The following IPCEF1 variants were observed in gnomAD, a reference collection of about 807,000 sequenced individuals.
IPCEF1 encodes the protein interaction protein for cytohesin exchange factors 1.
IPCEF1 carries 31 observed loss-of-function variants against 50.9 expected under a neutral mutation model. The observed-to-expected ratio is 0.61, with a 90% confidence interval of 0.46 to 0.82. IPCEF1 has a LOEUF of 0.82. IPCEF1 is among the 40% of genes least tolerant of loss of function. IPCEF1 has a pLI of 0.00. For synonymous variants in IPCEF1, 181 were observed against 192.0 expected (o/e 0.94, Z 0.47); for missense variants, 458 against 514.0 (o/e 0.89, Z 1.05).
chr6:154,350,535 C>T (rs1784102732), intron 1 of IPCEF1, among the ~76,000 whole-genome samples: 1 of 152,212 alleles, frequency 6.6e-6, no homozygotes. Context: ...TGAGTCACGT[C>T]CAATTTGGCC....
intron 2 of IPCEF1, among the ~76,000 whole-genome samples, chr6:154,288,659 C>G (rs1461714080): frequency 1.3e-5 from 1 of 77,678 alleles, no homozygotes; most frequent in Non-Finnish European, 2.3e-5. Context: ...AAGACTCTGT[C>G]TAAAAAACAA....
chr6:154,338,763 A>C (rs1218017657), intron 1 of IPCEF1, among the ~76,000 whole-genome samples: 1 of 152,140 alleles, frequency 6.6e-6, no homozygotes, highest in Non-Finnish European at 1.5e-5. Flanking sequence ...TCCAAAAAAC[A>C]TACAAAAAAT....
chr6:154,183,321 A>G lies in IPCEF1; in HGVS notation c.911-15208T>C, dbSNP rs920931303. 3.3e-5 allele frequency among the ~76,000 whole-genome samples: 5 copies of G among 152,162 alleles called. No individual in the cohort carries two copies. The East Asian group carries it at 9.6e-4, about 29-fold the overall frequency. Reference sequence around the variant, plus strand: ...ATGGCGCTCTCATTCACTTATCGCTATGACTATTATCTACTGCAATCTATG... The same window carrying G: ...ATGGCGCTCTCATTCACTTATCGCTGTGACTATTATCTACTGCAATCTATG... On this transcript the variant is annotated intron_variant, in intron 10 of 11. Transcript: ENST00000367220.
At chr6:154,329,371 A>T (rs1489359952) in intron 1 of IPCEF1, among the ~76,000 whole-genome samples, 2 of 152,146 alleles carry the variant, frequency 1.3e-5, no homozygotes, top group African/African-American at 4.8e-5. Flanking sequence ...TGAAGCAGGA[A>T]GATCACTTGA....
At chr6:154,181,355 C>T (rs538210168) in intron 10 of IPCEF1, among the ~76,000 whole-genome samples, 5 of 152,180 alleles carry the variant, frequency 3.3e-5, no homozygotes, top group East Asian at 1.9e-4. Context: ...CTTAGACCAA[C>T]GTTATTTCAT....
At chr6:154,276,949 A>T (rs117452676) in intron 2 of IPCEF1, among the ~76,000 whole-genome samples, 1 of 152,344 alleles carries the variant, frequency 6.6e-6, no homozygotes, top group East Asian at 1.9e-4. Context: ...TAGCAGTGAT[A>T]ACGTGGCTGC....
At chr6:154,303,593 A>T (rs1444852465) in intron 1 of IPCEF1, among the ~76,000 whole-genome samples, 1 of 152,166 alleles carries the variant, frequency 6.6e-6, no homozygotes, top group Non-Finnish European at 1.5e-5. Flanking sequence ...AATGATTCTC[A>T]TACATTCTTC....
intron 10 of IPCEF1, among the ~76,000 whole-genome samples, chr6:154,184,498 T>A (rs1583734982): frequency 6.6e-6 from 1 of 152,068 alleles, no homozygotes; most frequent in Non-Finnish European, 1.5e-5. Context: ...ACATTTTTTT[T>A]AAAAGACCAA....
chr6:154,249,661 G>C lies in IPCEF1; in HGVS notation c.37-2173C>G, dbSNP rs116271994. ...GCGATGGGATCAGCCAAGGCAGAGAGGAAGTGATGCTCCTTCCATCGCTCC... is the reference window on the plus strand; with the variant it reads ...GCGATGGGATCAGCCAAGGCAGAGACGAAGTGATGCTCCTTCCATCGCTCC... On this transcript the variant is annotated intron_variant, in intron 3 of 11. Coordinates refer to ENST00000367220, the MANE Select transcript of IPCEF1 (RefSeq NM_001130700.2). 2.6e-5 allele frequency among the ~76,000 whole-genome samples: 4 copies of C among 152,182 alleles called. No homozygotes were observed. The South Asian group carries it at 8.3e-4, about 32-fold the overall frequency.
At chr6:154,176,354 AT>A (rs1800328122) in intron 10 of IPCEF1, among the ~76,000 whole-genome samples, 1 of 152,222 alleles carries the variant, frequency 6.6e-6, no homozygotes, top group African/African-American at 2.4e-5. Context: ...AATAAAGTGT[AT>A]TCAATTAGGA....
intron 7 of IPCEF1, among the ~76,000 whole-genome samples, chr6:154,220,361 C>G (rs1310372143): frequency 6.6e-6 from 1 of 152,220 alleles, no homozygotes; most frequent in Non-Finnish European, 1.5e-5. Context: ...CAGCCTGATT[C>G]AAACAGCCAT....
intron 1 of IPCEF1, among the ~76,000 whole-genome samples, chr6:154,330,376 C>G (rs751191531): frequency 2.7e-4 from 39 of 142,496 alleles, no homozygotes; most frequent in Non-Finnish European, 4.8e-4. Flanking sequence ...TCTCTGTCAC[C>G]CAGGGTGGAG....
chr6:154,301,551 C>T (rs1040139972), intron 1 of IPCEF1, among the ~76,000 whole-genome samples: 5 of 152,170 alleles, frequency 3.3e-5, no homozygotes, highest in African/African-American at 9.7e-5. Flanking sequence ...ATCCAACTGG[C>T]TGGTTCTCAA....
At chr6:154,192,541 C>T (rs893657442) in intron 10 of IPCEF1, among the ~76,000 whole-genome samples, 3 of 151,982 alleles carry the variant, frequency 2.0e-5, no homozygotes, top group African/African-American at 7.3e-5. Context: ...AGCTTCTGCA[C>T]AGCAAAAGAA....
At chr6:154,336,524 G>C (rs552806484) in intron 1 of IPCEF1, among the ~76,000 whole-genome samples, 6 of 152,320 alleles carry the variant, frequency 3.9e-5, no homozygotes, top group African/African-American at 1.4e-4. Flanking sequence ...GGAAGGGTAT[G>C]TGTGTTGGGA....
At chr6:154,273,704 T>TTCC (rs371410830) in intron 2 of IPCEF1, among the ~76,000 whole-genome samples, 21,717 of 73,564 alleles carry the variant, frequency 0.3, 3,145 homozygotes, top group Admixed American at 0.48. Flanking sequence ...TTTTTTCTTT[T>TTCC]TTTCTTTCTT....
At chr6:154,281,895 G>A (rs62435675) in intron 2 of IPCEF1, among the ~76,000 whole-genome samples, 33 of 152,124 alleles carry the variant, frequency 2.2e-4, no homozygotes, top group South Asian at 8.3e-4. Context: ...TCCCAGCTAC[G>A]TGGGAGGCTG....
rs1468632742 is a variant in IPCEF1, at chr6:154,199,810, G to C, written c.768C>G (p.His256Gln). ...HSPVPSEAGI[H>Q]KALENSFVTS... ...TGACAAAACTGTTTTCCAGGGCCTT[G>C]TGGATGCCTGCCTCTGAGGGTACAG... The change falls in exon 10 of 12, where the codon CAC becomes CAG. Residue 256 changes from histidine to glutamine, a missense_variant. Transcript: ENST00000367220. The C allele has an allele frequency of 6.2e-7, 1 of 1,614,198 alleles. No homozygotes were observed. Among genetic ancestry groups the C allele is most frequent in the Admixed American group, 1.7e-5 (1 of 60,014 alleles).
intron 1 of IPCEF1, among the ~76,000 whole-genome samples, chr6:154,317,944 T>C (rs925543690): frequency 6.6e-6 from 1 of 152,094 alleles, no homozygotes; most frequent in Non-Finnish European, 1.5e-5. Context: ...CAACTGTCCA[T>C]CAATAGGAAC....
Sources: gnomAD v4.1 joint callset for allele counts (sites outside exome capture counted in the v4.1 genomes callset) on GRCh38, gnomAD v4.1.1 for gene constraint, MANE v1.5 for transcripts, NCBI Gene and HGNC (gene_info 2026-07-23, HGNC 2026-07-21) for gene names.